Variants in PSAT1 observed in about 807,000 individuals in gnomAD.
The protein encoded by PSAT1 is phosphoserine aminotransferase 1, also known as phosphoserine aminotransferase.
PSAT1 carries 41 observed loss-of-function variants against 40.3 expected under a neutral mutation model. The ratio of observed to expected loss-of-function variants is 1.02; its 90% CI spans 0.79 to 1.32. The LOEUF (loss-of-function observed/expected upper bound fraction) is 1.32, where lower values mean the gene tolerates loss of function less well. Among genes scored for constraint, PSAT1 ranks in the 40% most tolerant of loss-of-function variants. PSAT1 has a pLI of 0.00. For synonymous variants in PSAT1, 147 were observed against 170.5 expected (o/e 0.86, Z 1.07); for missense variants, 406 against 455.8 (o/e 0.89, Z 0.99).
chr9:78,304,155 T>A (rs1033865330), intron 3 of PSAT1, among the ~76,000 whole-genome samples: 10 of 152,202 alleles, frequency 6.6e-5, no homozygotes, highest in Admixed American at 2.6e-4. Context: ...AAATGTATTA[T>A]CTCACCTAAC....
At chr9:78,311,320 G>C (rs940167608) in intron 6 of PSAT1, among the ~76,000 whole-genome samples, 3 of 152,126 alleles carry the variant, frequency 2.0e-5, no homozygotes, top group African/African-American at 7.2e-5. Context: ...GATGGGGCCA[G>C]GGCCTGCCTT....
At chr9:78,302,495 G>A (rs1292558747) in intron 3 of PSAT1, among the ~76,000 whole-genome samples, 3 of 152,142 alleles carry the variant, frequency 2.0e-5, no homozygotes, top group East Asian at 3.9e-4. Context: ...TTGGGAGGCC[G>A]AGGCGGGTGG....
At chr9:78,317,597 T>C in intron 6 of PSAT1, 79 bp from the exon 7 acceptor site, 2 of 1,516,512 alleles carry the variant, frequency 1.3e-6, no homozygotes, top group Non-Finnish European at 1.8e-6. Flanking sequence ...TTAATGCACC[T>C]TCAACAGCAG....
rs537032197 is a variant in PSAT1, at chr9:78,308,717, A to G, written c.740+134A>G. ...ACACCTGTAATCTTAGCAATTTGGG[A>G]GGCTGAGGTGGATGGACCACTTGAG... On this transcript the variant is annotated intron_variant, in intron 6 of 8. Transcript: ENST00000376588. The G allele has an allele frequency of 4.7e-5, 49 of 1,041,308 alleles. No homozygotes were observed. The Admixed American group carries it at 1.1e-3, about 24-fold the overall frequency. The allele number at this position is 1,041,308 out of a possible 1,614,324, so 64.5% of individuals were successfully genotyped here.
At chr9:78,309,247 G>A (rs1828230880) in intron 6 of PSAT1, among the ~76,000 whole-genome samples, 1 of 152,240 alleles carries the variant, frequency 6.6e-6, no homozygotes, top group African/African-American at 2.4e-5. Flanking sequence ...AGCCAGTGCA[G>A]CTTTGGAGAA....
At chr9:78,304,977 C>G in intron 4 of PSAT1, 37 bp downstream of exon 4, 1 of 1,592,388 alleles carries the variant, frequency 6.3e-7, no homozygotes, top group Middle Eastern at 2.3e-4. Context: ...GTGACGTGCT[C>G]AATGGTGGGT....
At chr9:78,301,889 G>A (rs1455197954) in intron 2 of PSAT1, 65 bp from the exon 3 acceptor site, 1 of 1,263,546 alleles carries the variant, frequency 7.9e-7, no homozygotes, top group Non-Finnish European at 1.2e-6. Flanking sequence ...AATTTCGTAG[G>A]TATTTCTGTT....
intron 3 of PSAT1, among the ~76,000 whole-genome samples, chr9:78,303,487 TCTC>T (rs774187612): frequency 9.9e-5 from 15 of 152,060 alleles, no homozygotes; most frequent in African/African-American, 3.4e-4. Context: ...TATCTTTTCT[TCTC>T]CTAACCTGGT....
At chr9:78,302,450 C>G (rs539630773) in intron 3 of PSAT1, among the ~76,000 whole-genome samples, 77 of 152,072 alleles carry the variant, frequency 5.1e-4, no homozygotes, top group African/African-American at 1.8e-3. Context: ...CAAGTGGGGC[C>G]GGGCAAGGTG....
At position 78,304,774 on chromosome 9, in the gene PSAT1, A is replaced by G; in HGVS notation, c.231A>G (p.Gly77=). The G allele has an allele frequency of 3.1e-6, 5 of 1,614,138 alleles. No homozygotes were observed. The highest frequency in any genetic ancestry group is 4.2e-6 in the Non-Finnish European group (5 of 1,180,008). Residue 77 remains glycine, a synonymous_variant, in exon 4 of 9, where the codon GGA becomes GGG. Transcript: ENST00000376588. ...ACTATAAGGTGATTTTTCTGCAAGG[A>G]GGTGGGTGCGGCCAGTTCAGTGCTG... The part of the protein sequence containing the change: ...PDNYKVIFLQ[G]GGCGQFSAVP...
rs138451689 is a variant in PSAT1, at chr9:78,297,913, C to T, written c.60+643C>T. ...TTTGAAAACCTTCAGTCCAGCTTTC[C>T]CCTCCTTGTCCCCCATAGAACCTAC... On this transcript the variant is annotated intron_variant, in intron 1 of 8. Transcript: ENST00000376588. Among the ~76,000 whole-genome samples, 976 of 152,212 alleles carry T rather than the reference C, an allele frequency of 6.4e-3. 10 individuals carry two copies. The highest frequency in any genetic ancestry group is 0.021 in the African/African-American group (887 of 41,536).
chr9:78,320,981 C>T (rs1031003014), intron 7 of PSAT1, among the ~76,000 whole-genome samples: 4 of 148,168 alleles, frequency 2.7e-5, no homozygotes, highest in African/African-American at 1.0e-4. Context: ...AATAAGAAAG[C>T]ATAGAAGGAA....
chr9:78,311,722 C>T (rs1318778821), intron 6 of PSAT1, among the ~76,000 whole-genome samples: 1 of 152,048 alleles, frequency 6.6e-6, no homozygotes, highest in Admixed American at 6.5e-5. Flanking sequence ...GTCCCAGCTA[C>T]TCAGGAGGCT....
intron 4 of PSAT1, among the ~76,000 whole-genome samples, chr9:78,306,010 A>G (rs1828175912): frequency 6.6e-6 from 1 of 152,110 alleles, no homozygotes; most frequent in African/African-American, 2.4e-5. Context: ...TGATCCTCCC[A>G]CCTTAGCCTC....
At chr9:78,299,741 G>C (rs538068486) in intron 1 of PSAT1, among the ~76,000 whole-genome samples, 10 of 152,098 alleles carry the variant, frequency 6.6e-5, no homozygotes, top group Non-Finnish European at 8.8e-5. Context: ...TCAATCTCTT[G>C]ACCTCATGAT....
At chr9:78,321,567 T>A (rs1361731065) in intron 7 of PSAT1, among the ~76,000 whole-genome samples, 1 of 152,130 alleles carries the variant, frequency 6.6e-6, no homozygotes, top group Non-Finnish European at 1.5e-5. Context: ...CCCTGACTCG[T>A]AAACCAGCTC....
rs775371302 is a variant in PSAT1, at chr9:78,300,607, G to A, written c.66G>A (p.Leu22=). 3 of 1,578,656 alleles carry A rather than the reference G, an allele frequency of 1.9e-6. No homozygotes were observed. The highest frequency in any genetic ancestry group is 2.4e-5 in the East Asian group (1 of 42,438). The change falls in exon 2 of 9, where the codon TTG becomes TTA. Residue 22 remains leucine (L), a synonymous_variant. Coordinates refer to ENST00000376588, the MANE Select transcript of PSAT1 (RefSeq NM_058179.4). ...TTTCCTTTATTTTTTTCTAGGTGTT[G>A]TTAGAGATACAAAAGGAATTATTAG... ...PGPAKLPHSV[L]LEIQKELLDY...
At chr9:78,306,221 G>A (rs1290703082) in intron 4 of PSAT1, 93 bp from the exon 5 acceptor site, 1 of 1,354,544 alleles carries the variant, frequency 7.4e-7, no homozygotes, top group Non-Finnish European at 1.1e-6. Context: ...TTCCCTGCTA[G>A]GGGAGGCCTG....
At chr9:78,312,462 G>A (rs1294398519) in intron 6 of PSAT1, among the ~76,000 whole-genome samples, 1 of 151,776 alleles carries the variant, frequency 6.6e-6, no homozygotes, top group Non-Finnish European at 1.5e-5. Context: ...TTGGGAGGTC[G>A]AGGCAGGTGG....
Sources: allele counts gnomAD v4.1 joint callset (sites outside exome capture counted in the v4.1 genomes callset), GRCh38; gene constraint gnomAD v4.1.1; transcripts MANE v1.5; gene names NCBI Gene and HGNC (gene_info 2026-07-23, HGNC 2026-07-21).